RTN3: variants seen among roughly 807,000 people sequenced by gnomAD.
RTN3 encodes the protein reticulon 3.
RTN3 carries 49 observed loss-of-function variants against 77.8 expected under a neutral mutation model. The observed-to-expected ratio is 0.63, with a 90% CI of 0.50 to 0.80. The LOEUF (loss-of-function observed/expected upper bound fraction) is 0.80, where lower values mean the gene tolerates loss of function less well. Among genes scored for constraint, RTN3 ranks in the 30% least tolerant of loss-of-function variants. The pLI is 0.00. For synonymous variants in RTN3, 464 were observed against 446.9 expected (o/e 1.04, Z -0.48); for missense variants, 1,236 against 1,211.9 (o/e 1.02, Z -0.29).
rs2011641888 is a variant in RTN3 at position 63,720,032 on chromosome 11, A to T, written c.1530A>T (p.Ala510=). The T allele has an allele frequency of 6.2e-7, 1 of 1,614,198 alleles. No individual in the cohort carries two copies. The change falls in exon 3 of 9, where the codon GCA becomes GCT. Residue 510 remains alanine, a synonymous_variant. Coordinates refer to ENST00000377819, the MANE Select transcript of RTN3 (RefSeq NM_001265589.2). ...ACACAGTAATAGAGGACATCACAGC[A>T]GATACATCATTTGAAAATAACAAAA... The part of the protein sequence containing the change: ...SDDTVIEDIT[A]DTSFENNKIQ...
chr11:63,719,292 T>C lies in RTN3; in HGVS notation c.790T>C (p.Ser264Pro), dbSNP rs375955099. The C allele has an allele frequency of 1.2e-5, 20 of 1,614,100 alleles. No individual in the cohort carries two copies. Among genetic ancestry groups the C allele is most frequent in the Non-Finnish European group, 1.7e-5 (20 of 1,180,014 alleles). ...KAAFDKEFKD[S>P]YKESTDDFGS... ...AGCATTTGACAAAGAATTTAAAGACTCATATAAGGAGAGCACAGATGATTT... is the reference window on the plus strand; with the variant it reads ...AGCATTTGACAAAGAATTTAAAGACCCATATAAGGAGAGCACAGATGATTT... Residue 264 changes from serine (S) to proline (P), a missense_variant, in exon 3 of 9, where the codon TCA (serine) becomes CCA (proline). By Grantham distance (74) the Ser-to-Pro change is moderately conservative (BLOSUM62 -1). Transcript: ENST00000377819.
At chr11:63,741,752 C>T (rs536278389) in intron 3 of RTN3, among the ~76,000 whole-genome samples, 3 of 152,234 alleles carry the variant, frequency 2.0e-5, no homozygotes, top group African/African-American at 7.2e-5. Flanking sequence ...CTTCCCGCCT[C>T]AGCCTCCCAA....
In RTN3 at chr11:63,718,886, A is replaced by G; in HGVS notation, c.384A>G (p.Lys128=). 1.9e-6 allele frequency: 3 copies of G among 1,614,008 alleles called. No individual in the cohort carries two copies. The highest frequency in any genetic ancestry group is 2.5e-6 in the Non-Finnish European group (3 of 1,179,996). ...ACCACTTGGATCTTCTAGATATGAA[A>G]AAGATGGAAAAGCCTCAGGGGACCA... ...GKDHLDLLDM[K]KMEKPQGTSN... The change falls in exon 3 of 9, where the codon AAA becomes AAG. Residue 128 remains lysine, a synonymous_variant. Coordinates refer to ENST00000377819, the MANE Select transcript of RTN3 (RefSeq NM_001265589.2).
intron 3 of RTN3, among the ~76,000 whole-genome samples, chr11:63,734,174 C>A (rs942275524): frequency 6.6e-6 from 1 of 152,076 alleles, no homozygotes. Flanking sequence ...TTCACTCTCA[C>A]CATTTGTATA....
At chr11:63,746,305 C>G (rs546198969) in intron 3 of RTN3, among the ~76,000 whole-genome samples, 50 of 152,192 alleles carry the variant, frequency 3.3e-4, no homozygotes, top group Non-Finnish European at 4.8e-4. Flanking sequence ...AATCTGCACT[C>G]TAGTTCACCA....
intron 3 of RTN3, among the ~76,000 whole-genome samples, chr11:63,748,382 C>G (rs1400291510): frequency 2.1e-5 from 3 of 145,342 alleles, no homozygotes; most frequent in African/African-American, 7.7e-5. Context: ...CAGTCTCATT[C>G]TGTCACCCAG....
At chr11:63,703,150 T>A (rs1465858478) in intron 1 of RTN3, among the ~76,000 whole-genome samples, 1 of 152,208 alleles carries the variant, frequency 6.6e-6, no homozygotes, top group East Asian at 1.9e-4. Flanking sequence ...AACAATACAG[T>A]GTAACAACTA....
At position 63,704,922 on chromosome 11, in the gene RTN3, T is replaced by C; in HGVS notation, c.199+15T>C. ...GACCTCACAAGGCAAGTCTGTAATT[T>C]TTTTGTGTGCATTGGTAAAAGAAAA... is the stretch of plus-strand genomic sequence containing the variant. On this transcript the variant is annotated intron_variant, in intron 2 of 8. Transcript: ENST00000377819. 7.5e-6 allele frequency: 12 copies of C among 1,596,812 alleles called. No individual in the cohort carries two copies. Among genetic ancestry groups the C allele is most frequent in the Non-Finnish European group, 9.4e-6 (11 of 1,164,794 alleles).
Position 63,681,795 on chromosome 11 carries a change from GC to G in RTN3, c.142+22del. ...CCTGTGCGGGTAAGGCGCGCGGGGA[GC>G]CCCCGCCCTGGGAAAGAGGGCGAGC... On this transcript the variant is annotated intron_variant, in intron 1 of 8. Transcript: ENST00000377819. 1.9e-6 allele frequency: 3 copies of G among 1,543,938 alleles called. No homozygotes were observed. Among genetic ancestry groups the G allele is most frequent in the African/African-American group, 1.4e-5 (1 of 72,174 alleles).
chr11:63,734,036 A>G (rs2012896735), intron 3 of RTN3, among the ~76,000 whole-genome samples: 2 of 152,222 alleles, frequency 1.3e-5, no homozygotes, highest in South Asian at 4.1e-4. Flanking sequence ...TTCTGATAGA[A>G]TTTTCTACAA....
chr11:63,732,315 A>G (rs989480239), intron 3 of RTN3, among the ~76,000 whole-genome samples: 3 of 152,084 alleles, frequency 2.0e-5, no homozygotes, highest in Admixed American at 1.3e-4. Flanking sequence ...TCTAGGGACT[A>G]CAGGCACGCA....
chr11:63,708,368 C>T (rs2134748747), intron 2 of RTN3, among the ~76,000 whole-genome samples: 1 of 152,226 alleles, frequency 6.6e-6, no homozygotes. Context: ...CAAGGTCTCA[C>T]TAGATTGCCC....
At chr11:63,701,103 A>G (rs2134705913) in intron 1 of RTN3, among the ~76,000 whole-genome samples, 1 of 151,652 alleles carries the variant, frequency 6.6e-6, no homozygotes, top group East Asian at 1.9e-4. Flanking sequence ...AAAAAAAAAA[A>G]GAATTTTCAG....
chr11:63,748,868 A>G (rs1565343130), intron 3 of RTN3, among the ~76,000 whole-genome samples: 2 of 151,458 alleles, frequency 1.3e-5, no homozygotes, highest in Non-Finnish European at 2.9e-5. Context: ...GCTTTTCACC[A>G]TGTTGGCCAG....
chr11:63,747,437 C>G (rs2013863356), intron 3 of RTN3, among the ~76,000 whole-genome samples: 2 of 152,182 alleles, frequency 1.3e-5, no homozygotes, highest in South Asian at 4.1e-4. Flanking sequence ...CCTCCCAATT[C>G]TTTCTCTCCT....
intron 3 of RTN3, among the ~76,000 whole-genome samples, chr11:63,723,695 G>A (rs1243127540): frequency 1.3e-5 from 2 of 152,084 alleles, no homozygotes; most frequent in Non-Finnish European, 2.9e-5. Context: ...TCAAAGTGCT[G>A]GGATTTACAG....
chr11:63,691,984 T>C (rs913275376), intron 1 of RTN3, among the ~76,000 whole-genome samples: 5 of 152,152 alleles, frequency 3.3e-5, no homozygotes, highest in African/African-American at 1.2e-4. Context: ...TATTAATAAA[T>C]ACCCTGTAAT....
intron 3 of RTN3, among the ~76,000 whole-genome samples, chr11:63,742,191 G>C (rs2013524213): frequency 6.7e-6 from 1 of 150,338 alleles, no homozygotes; most frequent in Non-Finnish European, 1.5e-5. Flanking sequence ...GTGTTAGCCA[G>C]GATGATCTCG....
At chr11:63,750,446 C>A in intron 4 of RTN3, 1 of 442,810 alleles carries the variant, frequency 2.3e-6, no homozygotes, top group Non-Finnish European at 4.0e-6. Flanking sequence ...TCAAAGAAGA[C>A]TCTAAATTCT....
Sources: gnomAD v4.1 joint callset for allele counts (sites outside exome capture counted in the v4.1 genomes callset) on GRCh38, gnomAD v4.1.1 for gene constraint, MANE v1.5 for transcripts, NCBI Gene and HGNC (gene_info 2026-07-23, HGNC 2026-07-21) for gene names.